The following SLCO4A1 variants were observed in gnomAD, a reference collection of about 807,000 sequenced individuals.
SLCO4A1 encodes colon organic anion transporter.
In SLCO4A1, 51 loss-of-function variants were observed where a neutral mutation model predicts 64.6. The observed-to-expected ratio is 0.79, with a 90% CI of 0.63 to 1.00. The LOEUF is 1.00. Ranked by LOEUF, SLCO4A1 falls within the 50% of genes least tolerant of loss-of-function variation. The pLI is 0.00. For synonymous variants in SLCO4A1, 471 were observed against 444.9 expected, an observed-to-expected ratio of 1.06 and a Z score of -0.74; for missense variants, 919 against 980.5, an observed-to-expected ratio of 0.94 and a Z score of 0.84.
chr20:62,664,255 T>C (rs1327052918), intron 5 of SLCO4A1, among the ~76,000 whole-genome samples: 3 of 151,756 alleles, frequency 2.0e-5, no homozygotes, highest in African/African-American at 7.3e-5. Flanking sequence ...AGTTGAGGCC[T>C]CACCACCCCC....
chr20:62,681,505 T>C (rs1028998651), intron 2 of SLCO4A1, among the ~76,000 whole-genome samples: 89 of 123,530 alleles, frequency 7.2e-4, no homozygotes, highest in African/African-American at 2.6e-3. Flanking sequence ...CACTCATGTG[T>C]GCGCGTGTTT....
chr20:62,649,046 C>T (rs1373190634), intron 1 of SLCO4A1: 1 of 152,316 alleles, frequency 6.6e-6, no homozygotes, highest in Non-Finnish European at 1.5e-5. Flanking sequence ...TCCTGAAGAC[C>T]TGGCTCAAGC....
At chr20:62,689,367 C>T (rs1988162567), downstream of SLCO4A1, among the ~76,000 whole-genome samples, 1 of 147,978 alleles carries the variant, frequency 6.8e-6, no homozygotes, top group South Asian at 2.1e-4. Context: ...CTCCCTCTCT[C>T]CATCAGTCCT....
rs1456632573 is a variant in SLCO4A1, at chr20:62,666,527, A to G, written c.1424A>G (p.His475Arg). 3 of 1,613,316 alleles carry G rather than the reference A, an allele frequency of 1.9e-6. No individual in the cohort carries two copies. Among genetic ancestry groups the G allele is most frequent in the Non-Finnish European group, 2.5e-6 (3 of 1,179,958 alleles). Residue 475 changes from histidine to arginine, a missense_variant, in exon 7 of 12, where the codon CAC (histidine) becomes CGC (arginine). Transcript: ENST00000217159. ...CTGGGCATCCTCGTCTTCTCACTGC[A>G]CTGCCCCAGTGTGCCCATGGCGGGC... ...SLLGILVFSL[H>R]CPSVPMAGVT...
At chr20:62,682,490 T>TGAGGGGACAGATGAGCATGGAGACCACG (rs1987878900) in intron 2 of SLCO4A1, among the ~76,000 whole-genome samples, 1 of 152,084 alleles carries the variant, frequency 6.6e-6, no homozygotes, top group African/African-American at 2.4e-5. Context: ...TGGTGACCGC[T>TGAGGGGACAGATGAGCATGGAGACCACG]GAGGGGACAG....
In SLCO4A1 at chr20:62,672,284, T is replaced by C; in HGVS notation, c.*391T>C. ...GTGCATATCGAAATATATTTTGTTA[T>C]TTAAGCCTGCGTCCCCGTACCGCGT... On this transcript the variant is annotated 3_prime_UTR_variant, in exon 12 of 12. Transcript: ENST00000217159. 3.5e-6 allele frequency: 4 copies of C among 1,131,468 alleles called. No individual in the cohort carries two copies. Among genetic ancestry groups the C allele is most frequent in the Non-Finnish European group, 3.3e-6 (3 of 915,800 alleles). 70.1% of individuals were successfully genotyped at this position (1,131,468 alleles called of 1,614,324 possible).
Position 62,669,037 on chromosome 20 carries a change from G to T in SLCO4A1, c.1984G>T (p.Ala662Ser). The change falls in exon 11 of 12, where the codon GCC becomes TCC. Residue 662 changes from alanine (A) to serine (S), a missense_variant. Transcript: ENST00000217159. The stretch of plus-strand genomic sequence containing the variant: ...CTCCTGCTTGGTGTACCAGAATTCG[G>T]CCATGAGCCGCTACATACTCATCAT... Reference protein sequence around the residue: ...QGSCLVYQNSAMSRYILIMGL... With the variant: ...QGSCLVYQNSSMSRYILIMGL... 1 of 1,611,400 alleles carries T rather than the reference G, an allele frequency of 6.2e-7. No individual in the cohort carries two copies. Among genetic ancestry groups the T allele is most frequent in the Non-Finnish European group, 8.5e-7 (1 of 1,179,986 alleles).
chr20:62,690,631 A>G (rs891138677), downstream of SLCO4A1, among the ~76,000 whole-genome samples: 7 of 152,258 alleles, frequency 4.6e-5, no homozygotes, highest in African/African-American at 1.7e-4. Context: ...TTATTCTTTA[A>G]TAATGGAAAG....
chr20:62,643,109 G>T, intron 1 of SLCO4A1: 1 of 449,246 alleles, frequency 2.2e-6, no homozygotes, highest in Non-Finnish European at 4.6e-6. Flanking sequence ...AGGCGCTCGA[G>T]ACATCTCCGG....
chr20:62,685,543 C>G lies in SLCO4A1; in HGVS notation n.314C>G. On this transcript the variant is annotated non_coding_transcript_exon_variant, in exon 3 of 3. Coordinates refer to the SLCO4A1 transcript ENST00000466818. This position sits in a 1 kb window ranked among gnomAD's most constrained non-coding sequence, Gnocchi z 4.6. Reference sequence around the variant, plus strand: ...CAAGGCCGTGATGGATGTGGAGTCTCGGCTTTCTGACAACGTCTTCCAGAG... The same window carrying G: ...CAAGGCCGTGATGGATGTGGAGTCTGGGCTTTCTGACAACGTCTTCCAGAG... 7.0e-6 allele frequency: 5 copies of G among 717,820 alleles called. No individual in the cohort carries two copies. Among genetic ancestry groups the G allele is most frequent in the Non-Finnish European group, 8.5e-6 (5 of 585,588 alleles). 44.5% of individuals were successfully genotyped at this position (717,820 alleles called of 1,614,324 possible).
Position 62,661,235 on chromosome 20 carries a change from T to TG in SLCO4A1, c.1121+65dup. 2.4e-6 allele frequency: 3 copies of TG among 1,246,030 alleles called. No homozygotes were observed. Among genetic ancestry groups the TG allele is most frequent in the Non-Finnish European group, 3.5e-6 (3 of 847,638 alleles). The allele number at this position is 1,246,030 out of a possible 1,614,324, so 77.2% of individuals were successfully genotyped here. A position where few individuals can be genotyped will look rare whatever the true frequency, so the allele number is the denominator to read the frequency against. ...TCAGACCCTTTAATGGTCCCCATCTTGGGGGAGTCGTTGAGACCCCTCCGG... is the reference window on the plus strand; with the variant it reads ...TCAGACCCTTTAATGGTCCCCATCTTGGGGGGAGTCGTTGAGACCCCTCCGG... On this transcript the variant is annotated intron_variant, in intron 5 of 11. Transcript: ENST00000217159. The surrounding 1 kb of genome is among the most constrained non-coding windows in gnomAD (Gnocchi z 5.2).
At chr20:62,670,628 C>T (rs1232770458) in intron 11 of SLCO4A1, among the ~76,000 whole-genome samples, 8 of 152,176 alleles carry the variant, frequency 5.3e-5, no homozygotes, top group South Asian at 2.1e-4. Context: ...CCCAGGGAGC[C>T]GTCCCCAGAC....
chr20:62,678,523 A>T (rs1600693883), intron 2 of SLCO4A1, among the ~76,000 whole-genome samples: 1 of 150,068 alleles, frequency 6.7e-6, no homozygotes, highest in East Asian at 1.9e-4. Flanking sequence ...TGTTTCTTAC[A>T]GCGCTATTCT....
chr20:62,662,511 A>T (rs1985174390), intron 5 of SLCO4A1, among the ~76,000 whole-genome samples: 2 of 152,340 alleles, frequency 1.3e-5, no homozygotes, highest in Admixed American at 1.3e-4. Flanking sequence ...TCCCTAAACC[A>T]GTTGCTGGGA....
At position 62,668,080 on chromosome 20, in the gene SLCO4A1, A is replaced by T. The variant is rs939364430; in HGVS notation, c.1707A>T (p.Lys569Asn). Residue 569 changes from lysine to asparagine, a missense_variant, in exon 9 of 12, where the codon AAA becomes AAT. Physicochemically the swap from Lys to Asn is moderately conservative, Grantham distance 94. Coordinates refer to ENST00000217159, the MANE Select transcript of SLCO4A1 (RefSeq NM_016354.4). Reference sequence around the variant, plus strand: ...GTTTTGGCCATGCCACTGCAGGGAAATGCACTTCAACTTGTCAGAGAAAGC... The same window carrying T: ...GTTTTGGCCATGCCACTGCAGGGAATTGCACTTCAACTTGTCAGAGAAAGC... ...SSGFGHATAG[K>N]CTSTCQRKPL... The T allele has an allele frequency of 6.2e-7, 1 of 1,613,866 alleles. No individual in the cohort carries two copies. The highest frequency in any genetic ancestry group is 8.5e-7 in the Non-Finnish European group (1 of 1,180,032).
downstream of SLCO4A1, among the ~76,000 whole-genome samples, chr20:62,676,842 A>C (rs7271695): frequency 0.031 from 4,791 of 152,344 alleles, 114 homozygotes; most frequent in South Asian, 0.084. Context: ...ATGCATACAA[A>C]TGTTCACGGC....
intron 6 of SLCO4A1, chr20:62,665,851 T>C (rs929134771): frequency 1.4e-5 from 2 of 146,906 alleles, no homozygotes; most frequent in African/African-American, 5.0e-5. Flanking sequence ...TCTCCACCTG[T>C]CCCCTCACCT....
rs1284837516 is a variant in SLCO4A1 at position 62,664,970 on chromosome 20, C to T, written c.1158C>T (p.Ile386=). ...TCCTGCTGAAGAACCCCACGTTCATCCTGCTCTGCCTGGCCGGGGCCACCG... is the reference window on the plus strand; with the variant it reads ...TCCTGCTGAAGAACCCCACGTTCATTCTGCTCTGCCTGGCCGGGGCCACCG... ...IWLLLKNPTF[I]LLCLAGATEA... is the part of the protein sequence containing the mutation. Residue 386 remains isoleucine (I), a synonymous_variant, in exon 6 of 12, where the codon ATC becomes ATT. Transcript: ENST00000217159. 6.2e-7 allele frequency: 1 copy of T among 1,613,288 alleles called. No homozygotes were observed. Among genetic ancestry groups the T allele is most frequent in the East Asian group, 2.2e-5 (1 of 44,862 alleles).
chr20:62,655,259 CGGCACAG>C (rs1983438814), intron 1 of SLCO4A1, among the ~76,000 whole-genome samples: 1 of 141,796 alleles, frequency 7.1e-6, no homozygotes. Context: ...AGGGTGGGGG[CGGCACAG>C]GTGTTCTGTA....
Sources: gnomAD v4.1 joint callset for allele counts (sites outside exome capture counted in the v4.1 genomes callset) on GRCh38, gnomAD v4.1.1 for gene constraint, Gnocchi (gnomAD v3.1) non-coding constraint, MANE v1.5 for transcripts, NCBI Gene and HGNC (gene_info 2026-07-23, HGNC 2026-07-21) for gene names.